SNRPN: variants seen among roughly 807,000 people sequenced by gnomAD.
SNRPN encodes the protein small nuclear ribonucleoprotein-associated protein N.
In SNRPN, 7 loss-of-function variants were observed where a neutral mutation model predicts 25.2. That is an observed-to-expected ratio of 0.28 (90% CI 0.16 to 0.52). The LOEUF is 0.52. Among genes scored for constraint, SNRPN ranks in the 20% least tolerant of loss-of-function variants. The pLI is 0.96. For synonymous variants in SNRPN, 124 were observed against 110.6 expected (o/e 1.12, Z -0.76); for missense variants, 196 against 322.5 (o/e 0.61, Z 3.00).
intron 2 of SNRPN, among the ~76,000 whole-genome samples, chr15:24,895,486 A>T (rs575924044): frequency 3.3e-5 from 5 of 152,036 alleles, no homozygotes; most frequent in African/African-American, 1.2e-4. Context: ...TTAACCTCAA[A>T]CATTTAATTT....
At chr15:24,871,779 A>G (rs1383947805) in intron 1 of SNRPN, among the ~76,000 whole-genome samples, 3 of 146,832 alleles carry the variant, frequency 2.0e-5, no homozygotes, top group Non-Finnish European at 4.5e-5. Context: ...ATCTTGGCTC[A>G]CTGCAAGCTC....
rs147484182 is a variant in SNRPN, at chr15:24,903,807, C to A, written c.-504-16204C>A. On this transcript the variant is annotated intron_variant, in intron 2 of 11. Transcript: ENST00000400097. ...CCATCACTTTGGAGGCAGAGAGGGG[C>A]GGATCACTTGAGTCCAGGAGTTCGA... 4.1e-3 allele frequency among the ~76,000 whole-genome samples: 619 copies of A among 152,160 alleles called. 7 individuals carry two copies. Among genetic ancestry groups the A allele is most frequent in the African/African-American group, 0.014 (581 of 41,536 alleles).
intron 1 of SNRPN, among the ~76,000 whole-genome samples, chr15:24,955,977 C>T (rs1228394347): frequency 6.6e-6 from 1 of 151,958 alleles, no homozygotes; most frequent in Non-Finnish European, 1.5e-5. Flanking sequence ...CTTTAATTTT[C>T]CTGTGACCTG....
At chr15:24,880,679 T>C (rs2056493519) in intron 1 of SNRPN, among the ~76,000 whole-genome samples, 1 of 152,006 alleles carries the variant, frequency 6.6e-6, no homozygotes, top group African/African-American at 2.4e-5. Context: ...AAAATTAATA[T>C]GTGCTCATAA....
chr15:24,899,922 C>T (rs2151359520), intron 2 of SNRPN, among the ~76,000 whole-genome samples: 1 of 152,336 alleles, frequency 6.6e-6, no homozygotes, highest in East Asian at 1.9e-4. Flanking sequence ...AGAGATATTT[C>T]CACAGAGATG....
At position 24,867,674 on chromosome 15, in the gene SNRPN, TTAAA is replaced by T. The variant is rs1483333862; in HGVS notation, c.-579+10962_-579+10965del. Among the ~76,000 whole-genome samples, 49 of 152,168 alleles carry T rather than the reference TTAAA, an allele frequency of 3.2e-4. No individual in the cohort carries two copies. In the South Asian group the frequency reaches 0.01, roughly 32 times the overall value. On this transcript the variant is annotated intron_variant, in intron 1 of 11. Transcript: ENST00000400097. ...CAGGCGTGAGCCACTGCGCCCGGCC[TTAAA>T]TAAGTTTTCTCTAGAGAACATATGG...
rs115421448 is a variant in SNRPN at position 24,875,022 on chromosome 15, G to T, written c.-578-11494G>T. 3.1e-3 allele frequency among the ~76,000 whole-genome samples: 479 copies of T among 152,238 alleles called. 4 individuals are homozygous for T. Among genetic ancestry groups the T allele is most frequent in the African/African-American group, 0.011 (443 of 41,536 alleles). Reference sequence around the variant, plus strand: ...AAATTGTAAGTGATAAGATGTATTTGTCCTATAGTCTACGAATTTATTCCT... The same window carrying T: ...AAATTGTAAGTGATAAGATGTATTTTTCCTATAGTCTACGAATTTATTCCT... On this transcript the variant is annotated intron_variant, in intron 1 of 11. Transcript: ENST00000400097.
At chr15:24,962,047 C>A in intron 1 of SNRPN, 67 bp from the exon 2 acceptor site, 2 of 1,289,684 alleles carry the variant, frequency 1.6e-6, no homozygotes, top group Non-Finnish European at 2.3e-6. Context: ...TAAATATAAC[C>A]TTGACAAATA....
At chr15:24,830,308 T>G (rs2050412614) in intron 2 of SNRPN, among the ~76,000 whole-genome samples, 1 of 152,088 alleles carries the variant, frequency 6.6e-6, no homozygotes, top group Admixed American at 6.5e-5. Context: ...GGGTCACCTC[T>G]CCATGATCTT....
chr15:24,834,881 G>A (rs2050910935), intron 2 of SNRPN, among the ~76,000 whole-genome samples: 1 of 135,340 alleles, frequency 7.4e-6, no homozygotes, highest in Non-Finnish European at 1.6e-5. Context: ...AGCTGAGAGT[G>A]CCACTGCACT....
At chr15:24,907,763 G>A (rs2058926496) in intron 2 of SNRPN, among the ~76,000 whole-genome samples, 2 of 151,210 alleles carry the variant, frequency 1.3e-5, no homozygotes, top group Non-Finnish European at 3.0e-5. Flanking sequence ...TACCTTGAAA[G>A]CACAGAGTAG....
At chr15:24,850,087 CTG>C (rs755742179) in intron 2 of SNRPN, 22 of 152,130 alleles carry the variant, frequency 1.4e-4, no homozygotes, top group Non-Finnish European at 1.5e-5. Flanking sequence ...GGACCACTGT[CTG>C]TGTGATTTCC....
intron 1 of SNRPN, chr15:24,958,730 G>A (rs968935865): frequency 6.5e-6 from 1 of 152,780 alleles, no homozygotes; most frequent in East Asian, 1.9e-4. Context: ...TTATTTTTTT[G>A]TTTTTAGGAG....
intron 4 of SNRPN, 163 bp downstream of exon 4, chr15:24,974,619 T>G (rs2076851381): frequency 4.1e-6 from 3 of 738,034 alleles, no homozygotes; most frequent in Middle Eastern, 2.4e-4. Flanking sequence ...ATGAGCTGAT[T>G]TTTTTATTTT....
chr15:24,885,862 T>C (rs1441306556), intron 1 of SNRPN, among the ~76,000 whole-genome samples: 1 of 152,128 alleles, frequency 6.6e-6, no homozygotes, highest in African/African-American at 2.4e-5. Context: ...TGCATACAAA[T>C]GCAATGAGTT....
At chr15:24,855,357 A>T (rs1213539680), upstream of SNRPN, among the ~76,000 whole-genome samples, 1 of 152,170 alleles carries the variant, frequency 6.6e-6, no homozygotes, top group East Asian at 1.9e-4. Flanking sequence ...CACCTAGTGA[A>T]TTTGATCTAA....
At chr15:24,968,421 G>A (rs2075964961) in intron 3 of SNRPN, 2 of 184,700 alleles carry the variant, frequency 1.1e-5, no homozygotes, top group Admixed American at 1.1e-4. Context: ...ATTTTTTTCT[G>A]CCAGTAGTTT....
intron 2 of SNRPN, among the ~76,000 whole-genome samples, chr15:24,907,850 C>T (rs1286374807): frequency 2.6e-5 from 4 of 151,778 alleles, no homozygotes; most frequent in East Asian, 2.0e-4. Context: ...GTCAGGAATT[C>T]GAGACCAGCC....
intron 1 of SNRPN, among the ~76,000 whole-genome samples, chr15:24,956,207 T>A (rs1051389124): frequency 1.3e-5 from 2 of 152,098 alleles, no homozygotes; most frequent in Non-Finnish European, 2.9e-5. Context: ...GGGGGTTACT[T>A]TTTTTTCATT....
Sources: allele counts gnomAD v4.1 joint callset (sites outside exome capture counted in the v4.1 genomes callset), GRCh38; gene constraint gnomAD v4.1.1; transcripts MANE v1.5; gene names NCBI Gene and HGNC (gene_info 2026-07-23, HGNC 2026-07-21).